Variants in SYT4 observed in about 807,000 individuals in gnomAD.
SYT4 encodes synaptotagmin-4.
In SYT4, 7 loss-of-function variants were observed where a neutral mutation model predicts 32.9. That is an observed-to-expected ratio of 0.21 (90% confidence interval 0.12 to 0.40). The LOEUF (loss-of-function observed/expected upper bound fraction) is 0.40. SYT4 is among the 10% of genes least tolerant of loss of function. The probability of loss-of-function intolerance (pLI) is 1.00; values close to 1 mark genes in which losing one functional copy is unlikely to be tolerated. For missense variants in SYT4, 480 were observed against 488.0 expected, an observed-to-expected ratio of 0.98 and a Z score of 0.16; for synonymous variants, 205 against 186.2, an observed-to-expected ratio of 1.10 and a Z score of -0.82.
Position 43,274,303 on chromosome 18 carries a change from T to A in SYT4, c.126A>T (p.Ser42=), listed in dbSNP as rs780701433. ...LFAWICCQRK[S]SKSNKTPPYK... Reference sequence around the variant, plus strand: ...ATGGAGGAGTCTTGTTAGACTTGGATGATTTTCTCTGACAGCAGATCCATG... The same window carrying A: ...ATGGAGGAGTCTTGTTAGACTTGGAAGATTTTCTCTGACAGCAGATCCATG... The change falls in exon 2 of 4, where the codon TCA becomes TCT. Residue 42 remains serine, a synonymous_variant. Coordinates refer to ENST00000255224, the MANE Select transcript of SYT4 (RefSeq NM_020783.4). The A allele has an allele frequency of 6.2e-7, 1 of 1,613,806 alleles. No homozygotes were observed. Among genetic ancestry groups the A allele is most frequent in the Non-Finnish European group, 8.5e-7 (1 of 1,179,908 alleles).
At position 43,274,090 on chromosome 18, in the gene SYT4, G is replaced by A. The variant is rs745642904; in HGVS notation, c.339C>T (p.Gly113=). ...TTGCATTCTCCAGATCAGAAGGACT[G>A]CCAGGTTTGAGGTTGGTTTTGGGAA... ...GNFPKTNLKP[G]SPSDLENATP... is the part of the protein sequence containing the mutation. The change falls in exon 2 of 4, where the codon GGC becomes GGT. Residue 113 remains glycine, a synonymous_variant. Transcript: ENST00000255224. 3.7e-6 allele frequency: 6 copies of A among 1,614,052 alleles called. No homozygotes were observed. Among genetic ancestry groups the A allele is most frequent in the Non-Finnish European group, 5.1e-6 (6 of 1,179,944 alleles).
At chr18:43,271,634 T>C in intron 3 of SYT4, 78 bp downstream of exon 3, 2 of 1,557,818 alleles carry the variant, frequency 1.3e-6, no homozygotes, top group South Asian at 1.2e-5. Context: ...GATAGAAGAG[T>C]AAGAGTAGGT....
In SYT4 at chr18:43,277,364, T is replaced by C. The variant is rs753721512; in HGVS notation, c.-83A>G. ...TTGCCTGGATCTCAAGCGCCGGCTTTCGGAGCGCTGAAAACAACAGCGCAG... is the reference window on the plus strand; with the variant it reads ...TTGCCTGGATCTCAAGCGCCGGCTTCCGGAGCGCTGAAAACAACAGCGCAG... On this transcript the variant is annotated 5_prime_UTR_variant, in exon 1 of 4. Coordinates refer to ENST00000255224, the MANE Select transcript of SYT4 (RefSeq NM_020783.4). The C allele has an allele frequency of 4.4e-5, 70 of 1,574,664 alleles. No individual in the cohort carries two copies. The highest frequency in any genetic ancestry group is 5.9e-5 in the Non-Finnish European group (68 of 1,145,452).
At chr18:43,271,545 T>C (rs1217998002) in intron 3 of SYT4, among the ~76,000 whole-genome samples, 167 bp downstream of exon 3, 1 of 152,178 alleles carries the variant, frequency 6.6e-6, no homozygotes, top group Admixed American at 6.6e-5. Flanking sequence ...AAAATTGGCG[T>C]TTTGTTTCAT....
At chr18:43,271,063 C>T (rs1191466066) in intron 3 of SYT4, among the ~76,000 whole-genome samples, 1 of 152,040 alleles carries the variant, frequency 6.6e-6, no homozygotes, top group Non-Finnish European at 1.5e-5. Flanking sequence ...TGACTTTTGG[C>T]TGTGTTTTCC....
chr18:43,277,285 T>G lies in SYT4; in HGVS notation c.-4A>C. 6.2e-7 allele frequency: 1 copy of G among 1,614,058 alleles called. No individual in the cohort carries two copies. The highest frequency in any genetic ancestry group is 1.7e-5 in the Admixed American group (1 of 60,016). On this transcript the variant is annotated 5_prime_UTR_variant, in exon 1 of 4. Coordinates refer to ENST00000255224, the MANE Select transcript of SYT4 (RefSeq NM_020783.4). The stretch of plus-strand genomic sequence containing the variant: ...GGCTGGTGGTGATCGGAGCCATTTT[T>G]TACTGCGTGTTCTGTCCGAGGTGCT...
chr18:43,269,199 T>C lies in SYT4; in HGVS notation c.*1142A>G, dbSNP rs1175511488. 6.6e-6 allele frequency: 1 copy of C among 152,190 alleles called. No individual in the cohort carries two copies. Among genetic ancestry groups the C allele is most frequent in the Non-Finnish European group, 1.5e-5 (1 of 68,030 alleles). The allele number at this position is 152,190 out of a possible 1,614,324, so 9.4% of individuals were successfully genotyped here. On this transcript the variant is annotated 3_prime_UTR_variant, in exon 4 of 4. Coordinates refer to ENST00000255224, the MANE Select transcript of SYT4 (RefSeq NM_020783.4). Reference sequence around the variant, plus strand: ...GCCTAGAAAAGATAGTGAAACACATTCTTTGTTGTGCTAATTTGACAGCCT... The same window carrying C: ...GCCTAGAAAAGATAGTGAAACACATCCTTTGTTGTGCTAATTTGACAGCCT...
Position 43,270,522 on chromosome 18 carries a change from C to T in SYT4, c.1097G>A (p.Gly366Asp). ...ELFVFDIPCE[G>D]LEDISVEFLV... ...AAATTCAACACTTATATCTTCAAGG[C>T]CCTCACAAGGAATATCAAAGACAAA... The change falls in exon 4 of 4, where the codon GGC becomes GAC. Residue 366 changes from glycine to aspartate, a missense_variant. Coordinates refer to ENST00000255224, the MANE Select transcript of SYT4 (RefSeq NM_020783.4). 1.2e-6 allele frequency: 2 copies of T among 1,614,028 alleles called. No individual in the cohort carries two copies. Among genetic ancestry groups the T allele is most frequent in the Non-Finnish European group, 1.7e-6 (2 of 1,179,972 alleles).
At chr18:43,272,125 C>T (rs1316690951) in intron 2 of SYT4, 1 of 184,700 alleles carries the variant, frequency 5.4e-6, no homozygotes, top group Non-Finnish European at 1.1e-5. Context: ...TTATATCCTA[C>T]ACAGGATTAT....
chr18:43,271,393 A>G (rs1338664104), intron 3 of SYT4, among the ~76,000 whole-genome samples: 1 of 152,192 alleles, frequency 6.6e-6, no homozygotes, highest in Non-Finnish European at 1.5e-5. Flanking sequence ...AAGGCCCCTC[A>G]GGATGAGTAG....
In SYT4 at chr18:43,274,048, T is replaced by C. The variant is rs1908715148; in HGVS notation, c.381A>G (p.Leu127=). 3 of 1,614,054 alleles carry C rather than the reference T, an allele frequency of 1.9e-6. No homozygotes were observed. Among genetic ancestry groups the C allele is most frequent in the Non-Finnish European group, 2.5e-6 (3 of 1,179,944 alleles). ...DLENATPKLF[L]EGEKESVSPE... ...GGGAAACTGACTCTTTTTCCCCTTC[T>C]AAAAAGAGCTTCGGGGTTGCATTCT... The change falls in exon 2 of 4, where the codon TTA becomes TTG. Residue 127 remains leucine (L), a synonymous_variant. Transcript: ENST00000255224.
intron 1 of SYT4, among the ~76,000 whole-genome samples, chr18:43,275,508 A>G (rs1908765268): frequency 6.6e-6 from 1 of 152,106 alleles, no homozygotes; most frequent in African/African-American, 2.4e-5. Flanking sequence ...TTTATCCTGA[A>G]TAGTAAATAA....
In SYT4 at chr18:43,269,309, G is replaced by C. The variant is rs916416938; in HGVS notation, c.*1032C>G. On this transcript the variant is annotated 3_prime_UTR_variant, in exon 4 of 4. Coordinates refer to ENST00000255224, the MANE Select transcript of SYT4 (RefSeq NM_020783.4). Reference sequence around the variant, plus strand: ...AGTCTTACATTTGTTTGTTGGTTAAGTAACACTTTTTATCTGGCAATGTAA... The same window carrying C: ...AGTCTTACATTTGTTTGTTGGTTAACTAACACTTTTTATCTGGCAATGTAA... The C allele has an allele frequency of 5.3e-5, 8 of 152,196 alleles. No individual in the cohort carries two copies. Among genetic ancestry groups the C allele is most frequent in the Non-Finnish European group, 7.3e-5 (5 of 68,028 alleles). The allele number at this position is 152,196 out of a possible 1,614,324, so 9.4% of individuals were successfully genotyped here.
intron 1 of SYT4, among the ~76,000 whole-genome samples, chr18:43,276,762 G>A (rs1451035364): frequency 1.3e-5 from 2 of 152,128 alleles, no homozygotes; most frequent in African/African-American, 4.8e-5. Flanking sequence ...ACATAGCAGA[G>A]AAAAACACCC....
rs1239615906 is a variant in SYT4, at chr18:43,273,480, T to C, written c.849+100A>G. The C allele has an allele frequency of 4.2e-6, 3 of 707,124 alleles. No homozygotes were observed. The African/African-American group carries it at 5.4e-5, about 13-fold the overall frequency. The allele number at this position is 707,124 out of a possible 1,614,324, so 43.8% of individuals were successfully genotyped here. A position where few individuals can be genotyped will look rare whatever the true frequency, so the allele number is the denominator to read the frequency against. On this transcript the variant is annotated intron_variant, in intron 2 of 3. Coordinates refer to ENST00000255224, the MANE Select transcript of SYT4 (RefSeq NM_020783.4). ...TAATAATAATTAAACATGGTAAGGATGATATGTACAAGCTTATCATATTAA... is the reference window on the plus strand; with the variant it reads ...TAATAATAATTAAACATGGTAAGGACGATATGTACAAGCTTATCATATTAA...
At position 43,270,285 on chromosome 18, in the gene SYT4, A is replaced by G; in HGVS notation, c.*56T>C. On this transcript the variant is annotated 3_prime_UTR_variant, in exon 4 of 4. Transcript: ENST00000255224. The stretch of plus-strand genomic sequence containing the variant: ...AGCTTGCAATCCAATATAGAAAGAA[A>G]GAAAATTTCTCCTTGCCTAGTAAAA... The G allele has an allele frequency of 6.4e-7, 1 of 1,557,606 alleles. No individual in the cohort carries two copies. Among genetic ancestry groups the G allele is most frequent in the Non-Finnish European group, 8.7e-7 (1 of 1,150,658 alleles).
In SYT4 at chr18:43,273,869, G is replaced by C; in HGVS notation, c.560C>G (p.Ser187Trp). 1.2e-6 allele frequency: 2 copies of C among 1,614,034 alleles called. No homozygotes were observed. The highest frequency in any genetic ancestry group is 1.1e-5 in the South Asian group (1 of 91,068). Residue 187 changes from serine (S) to tryptophan (W), a missense_variant, in exon 2 of 4, where the codon TCG becomes TGG. By Grantham distance (177) the Ser-to-Trp change is radical. Transcript: ENST00000255224. The part of the protein sequence containing the change: ...ARGLPAMDEQ[S>W]MTSDPYIKMT... ...TTTGATATATGGGTCAGAGGTCATC[G>C]ACTGCTCATCCATGGCTGGCAAGCC...
At position 43,277,391 on chromosome 18, in the gene SYT4, G is replaced by A. The variant is rs1908831209; in HGVS notation, c.-110C>T. 7.6e-7 allele frequency: 1 copy of A among 1,312,008 alleles called. No homozygotes were observed. 81.3% of individuals were successfully genotyped at this position (1,312,008 alleles called of 1,614,324 possible). On this transcript the variant is annotated 5_prime_UTR_variant, in exon 1 of 4. Transcript: ENST00000255224. ...GGAGCGCTGAAAACAACAGCGCAGA[G>A]CCCAGGGCACCAGCTCCTGGAACAG...
In SYT4 at chr18:43,270,386, G is replaced by A. The variant is rs760807925; in HGVS notation, c.1233C>T (p.Tyr411=). ...GCCACTTGGCAATTTGTCTCCTGGG[G>A]TAGTCACAGATCTCTTTCCAGTGCT... ...GGEHWKEICD[Y]PRRQIAKWHV... Residue 411 remains tyrosine, a synonymous_variant, in exon 4 of 4, where the codon TAC becomes TAT. Transcript: ENST00000255224. The A allele has an allele frequency of 6.2e-7, 1 of 1,614,054 alleles. No homozygotes were observed. The highest frequency in any genetic ancestry group is 1.1e-5 in the South Asian group (1 of 91,082).
Sources: allele counts gnomAD v4.1 joint callset (sites outside exome capture counted in the v4.1 genomes callset), GRCh38; gene constraint gnomAD v4.1.1; transcripts MANE v1.5; gene names NCBI Gene and HGNC (gene_info 2026-07-23, HGNC 2026-07-21).